Variants in ZFPM2 observed in about 807,000 individuals in gnomAD.
ZFPM2 encodes the protein zinc finger protein ZFPM2.
In ZFPM2, 20 loss-of-function variants were observed where a neutral mutation model predicts 98.6. The observed-to-expected ratio is 0.20, with a 90% CI of 0.14 to 0.29. ZFPM2 has a LOEUF of 0.29. Among genes scored for constraint, ZFPM2 ranks in the 10% least tolerant of loss-of-function variants. The pLI is 1.00. For synonymous variants in ZFPM2, 518 were observed against 502.7 expected, an observed-to-expected ratio of 1.03 and a Z score of -0.41; for missense variants, 1,310 against 1,388.6, an observed-to-expected ratio of 0.94 and a Z score of 0.90.
At chr8:105,724,799 T>C (rs11780459) in intron 5 of ZFPM2, among the ~76,000 whole-genome samples, 27,850 of 151,712 alleles carry the variant, frequency 0.18, 2,765 homozygotes, top group Non-Finnish European at 0.22. Flanking sequence ...TAGTGAATGA[T>C]TAAAGTGTCT....
chr8:105,685,168 A>G (rs1172682499), intron 5 of ZFPM2, among the ~76,000 whole-genome samples: 2 of 152,120 alleles, frequency 1.3e-5, no homozygotes, highest in Non-Finnish European at 2.9e-5. Flanking sequence ...TTTACTGTCC[A>G]ATACAGTAGA....
At chr8:105,738,592 A>G (rs1046053180) in intron 5 of ZFPM2, among the ~76,000 whole-genome samples, 1 of 152,102 alleles carries the variant, frequency 6.6e-6, no homozygotes, top group Non-Finnish European at 1.5e-5. Context: ...TGGAAAAATC[A>G]TCACACTGTT....
intron 3 of ZFPM2, among the ~76,000 whole-genome samples, chr8:105,506,762 C>G (rs550699840): frequency 6.6e-6 from 1 of 151,792 alleles, no homozygotes; most frequent in East Asian, 1.9e-4. Context: ...CTGAGGCGGG[C>G]GGATCACGAG....
At chr8:105,521,929 G>T (rs1000516032) in intron 3 of ZFPM2, among the ~76,000 whole-genome samples, 1 of 152,128 alleles carries the variant, frequency 6.6e-6, no homozygotes, top group African/African-American at 2.4e-5. Context: ...GCCTTCTATG[G>T]ATATAAACAC....
At chr8:105,693,969 T>C (rs1288849010) in intron 5 of ZFPM2, among the ~76,000 whole-genome samples, 1 of 142,840 alleles carries the variant, frequency 7.0e-6, no homozygotes, top group Non-Finnish European at 1.5e-5. Context: ...TTTCTTTTCT[T>C]TTTTTCTTTT....
At chr8:105,559,421 T>C (rs2130693684) in intron 3 of ZFPM2, among the ~76,000 whole-genome samples, 1 of 152,322 alleles carries the variant, frequency 6.6e-6, no homozygotes, top group South Asian at 2.1e-4. Context: ...AATGTGTATT[T>C]GTCTTAATTT....
rs941293797 is a variant in ZFPM2, at chr8:105,718,399, C to T, written c.533-70319C>T. On this transcript the variant is annotated intron_variant, in intron 5 of 7. Coordinates refer to ENST00000407775, the MANE Select transcript of ZFPM2 (RefSeq NM_012082.4). ...ACCCCCCAAAAAATGAGAACTTTAG[C>T]GTATGTCCATTTTCAAACTGTAGCA... Among the ~76,000 whole-genome samples, 21 of 152,022 alleles carry T rather than the reference C, an allele frequency of 1.4e-4. 1 individual carries two copies. The Middle Eastern group carries it at 0.01, about 74-fold the overall frequency.
chr8:105,716,338 T>C (rs1401817397), intron 5 of ZFPM2, among the ~76,000 whole-genome samples: 1 of 151,638 alleles, frequency 6.6e-6, no homozygotes, highest in Non-Finnish European at 1.5e-5. Flanking sequence ...GGTTCTCATA[T>C]TAGACATTGC....
chr8:105,504,554 TGATA>T (rs1446034692), intron 3 of ZFPM2, among the ~76,000 whole-genome samples: 1 of 152,194 alleles, frequency 6.6e-6, no homozygotes, highest in Non-Finnish European at 1.5e-5. Context: ...TTGACTTCTG[TGATA>T]GATTTTCAGT....
At chr8:105,461,773 C>T (rs1812708399) in intron 3 of ZFPM2, among the ~76,000 whole-genome samples, 1 of 151,970 alleles carries the variant, frequency 6.6e-6, no homozygotes, top group African/African-American at 2.4e-5. Context: ...CATTGATTTC[C>T]CCATAATAAC....
chr8:105,545,233 A>G (rs1276732583), intron 3 of ZFPM2, among the ~76,000 whole-genome samples: 1 of 152,168 alleles, frequency 6.6e-6, no homozygotes, highest in Non-Finnish European at 1.5e-5. Flanking sequence ...TATATTTGAA[A>G]CACTGCCAAT....
intron 3 of ZFPM2, among the ~76,000 whole-genome samples, chr8:105,506,988 CAAA>C (rs61634908): frequency 3.5e-5 from 4 of 112,782 alleles, no homozygotes; most frequent in Admixed American, 8.6e-5. Context: ...ACTCCGTCTC[CAAA>C]AAAAAAAAAA....
intron 5 of ZFPM2, among the ~76,000 whole-genome samples, chr8:105,671,886 CAGA>C (rs1379266182): frequency 1.3e-5 from 2 of 152,088 alleles, no homozygotes; most frequent in Non-Finnish European, 2.9e-5. Context: ...AAAGAGAGTA[CAGA>C]ATTGAAAGCA....
chr8:105,528,613 G>C (rs1488684075), intron 3 of ZFPM2, among the ~76,000 whole-genome samples: 1 of 152,124 alleles, frequency 6.6e-6, no homozygotes, highest in African/African-American at 2.4e-5. Flanking sequence ...TATTTGGAGA[G>C]ATCGTGTACA....
At chr8:105,569,414 C>G (rs574838777) in intron 4 of ZFPM2, among the ~76,000 whole-genome samples, 8 of 152,188 alleles carry the variant, frequency 5.3e-5, no homozygotes, top group African/African-American at 1.9e-4. Context: ...TGTGATCTTG[C>G]TTCATCTGCC....
Position 105,336,698 on chromosome 8 carries a change from A to T in ZFPM2, c.40+17717A>T, listed in dbSNP as rs1428168029. 9.3e-3 allele frequency among the ~76,000 whole-genome samples: 1,367 copies of T among 147,774 alleles called. 24 individuals are homozygous for T. Among genetic ancestry groups the T allele is most frequent in the African/African-American group, 0.032 (1,278 of 40,272 alleles). The stretch of plus-strand genomic sequence containing the variant: ...AAAATGTAATATACTCCACACACAC[A>T]CACACACACACACACACACACACAC... On this transcript the variant is annotated intron_variant, in intron 1 of 7. Coordinates refer to ENST00000407775, the MANE Select transcript of ZFPM2 (RefSeq NM_012082.4).
chr8:105,543,909 C>T (rs1026396594), intron 3 of ZFPM2, among the ~76,000 whole-genome samples: 1 of 152,158 alleles, frequency 6.6e-6, no homozygotes, highest in African/African-American at 2.4e-5. Flanking sequence ...GGCATGCACA[C>T]ACACATACAT....
chr8:105,562,759 G>A (rs1815167116), intron 4 of ZFPM2, among the ~76,000 whole-genome samples: 1 of 151,968 alleles, frequency 6.6e-6, no homozygotes, highest in Admixed American at 6.6e-5. Context: ...TGTCTGCCTG[G>A]GTCGTCTAAG....
intron 4 of ZFPM2, among the ~76,000 whole-genome samples, chr8:105,616,872 G>T (rs535044797): frequency 1.3e-5 from 2 of 150,924 alleles, no homozygotes; most frequent in Non-Finnish European, 3.0e-5. Flanking sequence ...ACAAAAATTA[G>T]CCGGGTGTGG....
Sources: allele counts gnomAD v4.1 joint callset (sites outside exome capture counted in the v4.1 genomes callset), GRCh38; gene constraint gnomAD v4.1.1; transcripts MANE v1.5; gene names NCBI Gene and HGNC (gene_info 2026-07-23, HGNC 2026-07-21).